Variants in XPO6 observed in about 807,000 individuals in gnomAD.
The protein encoded by XPO6 is exportin 6.
In XPO6, 3 loss-of-function variants were observed where a neutral mutation model predicts 130.0. The ratio of observed to expected loss-of-function variants is 0.02; its 90% confidence interval spans 0.01 to 0.06. The LOEUF is 0.06. Among genes scored for constraint, XPO6 ranks in the 10% least tolerant of loss-of-function variants. XPO6 has a pLI of 1.00. For missense variants in XPO6, 970 were observed against 1,393.0 expected (o/e 0.70, Z 4.83); for synonymous variants, 524 against 548.9 (o/e 0.95, Z 0.63).
chr16:28,106,523 C>T lies in XPO6; in HGVS notation c.2498-26G>A. 6.3e-7 allele frequency: 1 copy of T among 1,587,978 alleles called. No homozygotes were observed. Among genetic ancestry groups the T allele is most frequent in the Non-Finnish European group, 8.6e-7 (1 of 1,157,324 alleles). On this transcript the variant is annotated intron_variant, in intron 18 of 23. Coordinates refer to ENST00000304658, the MANE Select transcript of XPO6 (RefSeq NM_015171.4). This position sits in a 1 kb window ranked among gnomAD's most constrained non-coding sequence, Gnocchi z 4.2. ...CTGAGGAAAGGGGCAGAGATATCGT[C>T]AGAGGCTTGCACACAGTGAGAACCA...
chr16:28,205,579 A>C (rs761322754), intron 1 of XPO6, among the ~76,000 whole-genome samples: 6 of 152,072 alleles, frequency 3.9e-5, no homozygotes, highest in Admixed American at 2.6e-4. Context: ...GTATTTTCAG[A>C]GTATGTTGAC....
intron 13 of XPO6, among the ~76,000 whole-genome samples, chr16:28,123,369 A>T (rs528576066): frequency 6.6e-6 from 1 of 152,220 alleles, no homozygotes; most frequent in Admixed American, 6.5e-5. Flanking sequence ...CAGCCTCCCA[A>T]AGTGCTGGGA....
At chr16:28,127,860 C>T (rs2042592219) in intron 12 of XPO6, among the ~76,000 whole-genome samples, 1 of 152,186 alleles carries the variant, frequency 6.6e-6, no homozygotes, top group Admixed American at 6.5e-5. Context: ...TTTGACCTGT[C>T]CCAAATCACC....
chr16:28,190,674 A>C (rs1255820187), intron 1 of XPO6, among the ~76,000 whole-genome samples: 3 of 152,242 alleles, frequency 2.0e-5, no homozygotes, highest in African/African-American at 7.2e-5. Flanking sequence ...TACAGGTGGT[A>C]GTAGGTTAGA....
Position 28,098,328 on chromosome 16 carries a change from G to C in XPO6, c.*210C>G. 1 of 515,432 alleles carries C rather than the reference G, an allele frequency of 1.9e-6. No individual in the cohort carries two copies. The highest frequency in any genetic ancestry group is 3.4e-5 in the Admixed American group (1 of 29,546). 31.9% of individuals were successfully genotyped at this position (515,432 alleles called of 1,614,324 possible). On this transcript the variant is annotated 3_prime_UTR_variant, in exon 24 of 24. Coordinates refer to ENST00000304658, the MANE Select transcript of XPO6 (RefSeq NM_015171.4). The stretch of plus-strand genomic sequence containing the variant: ...ACCCCTCCGCCTGCTCCAACGCCCT[G>C]GGAGCACCGTCCAGTGCTCAGGTGG...
In XPO6 at chr16:28,194,714, A is replaced by G. The variant is rs539342852; in HGVS notation, c.4-13683T>C. ...TTTTCGGGGGTAAAAAAAGATTGCT[A>G]AAAAGACTGGTCGTACATTCTCTCT... On this transcript the variant is annotated intron_variant, in intron 1 of 23. Transcript: ENST00000304658. 2.2e-3 allele frequency among the ~76,000 whole-genome samples: 334 copies of G among 152,148 alleles called. 1 individual carries two copies. The highest frequency in any genetic ancestry group is 1.9e-3 in the Non-Finnish European group (126 of 67,996).
chr16:28,178,191 C>T (rs1200989727), intron 2 of XPO6, among the ~76,000 whole-genome samples: 31 of 152,204 alleles, frequency 2.0e-4, no homozygotes, highest in Admixed American at 7.2e-4. Flanking sequence ...GCAGAACACA[C>T]AGCAGCTTCT....
intron 21 of XPO6, among the ~76,000 whole-genome samples, chr16:28,102,179 C>T (rs1374817568): frequency 6.6e-6 from 1 of 152,072 alleles, no homozygotes; most frequent in African/African-American, 2.4e-5. Flanking sequence ...CCTCTAGAAA[C>T]CCATCACAGG....
chr16:28,185,686 T>C (rs978977534), intron 1 of XPO6, among the ~76,000 whole-genome samples: 3 of 152,186 alleles, frequency 2.0e-5, no homozygotes, highest in Non-Finnish European at 2.9e-5. Flanking sequence ...AGTGTGAGCA[T>C]GAGGCTCCTG....
intron 1 of XPO6, among the ~76,000 whole-genome samples, chr16:28,183,760 A>G (rs1480325311): frequency 1.3e-5 from 2 of 152,230 alleles, no homozygotes; most frequent in Non-Finnish European, 2.9e-5. Flanking sequence ...GGTCAGGCCT[A>G]CTTTGAAACT....
intron 9 of XPO6, among the ~76,000 whole-genome samples, chr16:28,142,289 G>A (rs2042908989): frequency 6.6e-6 from 1 of 152,214 alleles, no homozygotes; most frequent in Non-Finnish European, 1.5e-5. Context: ...GTCATCACCA[G>A]AAGCCAGTGT....
chr16:28,115,320 C>T (rs2087028077), intron 15 of XPO6, among the ~76,000 whole-genome samples: 1 of 152,220 alleles, frequency 6.6e-6, no homozygotes, highest in African/African-American at 2.4e-5. Context: ...GCCAAAATTA[C>T]CCCTTGACCC....
chr16:28,133,871 C>T lies in XPO6; in HGVS notation c.1506G>A (p.Glu502=), dbSNP rs1336601879. ...QSLEVVAKVM[E]LLPTHAFSTL... ...TGGAGAAGGCGTGCGTGGGCAGGAG[C>T]TCCATCACTTTGGCCACCACCTCCA... is the stretch of plus-strand genomic sequence containing the variant. The change falls in exon 11 of 24, where the codon GAG becomes GAA. Residue 502 remains glutamate (E), a synonymous_variant. Transcript: ENST00000304658. 1 of 1,613,990 alleles carries T rather than the reference C, an allele frequency of 6.2e-7. No individual in the cohort carries two copies. Among genetic ancestry groups the T allele is most frequent in the African/African-American group, 1.3e-5 (1 of 74,914 alleles).
chr16:28,157,690 T>C (rs1389546574), intron 6 of XPO6, among the ~76,000 whole-genome samples: 2 of 152,190 alleles, frequency 1.3e-5, no homozygotes, highest in Admixed American at 6.5e-5. Flanking sequence ...CTCCAAAGCA[T>C]ATGAAGAGAT....
At chr16:28,135,173 C>T in intron 10 of XPO6, 43 bp downstream of exon 10, 1 of 1,539,234 alleles carries the variant, frequency 6.5e-7, no homozygotes, top group Non-Finnish European at 9.0e-7. Flanking sequence ...ATTGATGTCA[C>T]AACATGACAG....
chr16:28,211,477 A>T lies in XPO6; in HGVS notation c.-109T>A. The T allele has an allele frequency of 1.2e-5, 15 of 1,228,772 alleles. No homozygotes were observed. The highest frequency in any genetic ancestry group is 1.6e-5 in the Non-Finnish European group (15 of 958,938). The allele number at this position is 1,228,772 out of a possible 1,614,324, so 76.1% of individuals were successfully genotyped here. On this transcript the variant is annotated 5_prime_UTR_variant, in exon 1 of 24. It removes an upstream start codon present in the reference 5' UTR. Transcript: ENST00000304658. ...GGCAGACTCGGGAAGTCCCCCACCC[A>T]TGCAAAGACAACCCCTTCCCCACCG...
chr16:28,123,872 T>A (rs1037669499), intron 13 of XPO6, among the ~76,000 whole-genome samples: 1 of 152,158 alleles, frequency 6.6e-6, no homozygotes, highest in Non-Finnish European at 1.5e-5. Context: ...GCTATTAAGG[T>A]CATGTAGTCA....
In XPO6 at chr16:28,186,374, C is replaced by CTTTTTTTTTTTTTTGTTTTTTTTTTT. The variant is rs2043694338; in HGVS notation, c.4-5344_4-5343insAAAAAAAAAAACAAAAAAAAAAAAAA. Among the ~76,000 whole-genome samples, 2 of 81,442 alleles carry CTTTTTTTTTTTTTTGTTTTTTTTTTT rather than the reference C, an allele frequency of 2.5e-5. 1 individual carries two copies. The highest frequency in any genetic ancestry group is 4.1e-5 in the Non-Finnish European group (2 of 48,692). 53.4% of individuals were successfully genotyped at this position (81,442 alleles called of 152,430 possible). A position where few individuals can be genotyped will look rare whatever the true frequency, so the allele number is the denominator to read the frequency against. On this transcript the variant is annotated intron_variant, in intron 1 of 23. Transcript: ENST00000304658. ...TATAGATTTTTCTGCCCCAGTTATT[C>CTTTTTTTTTTTTTTGTTTTTTTTTTT]TTTTTTTTTTTTTTTTTGCTAAAGA...
At chr16:28,110,381 C>T (rs2141245539) in intron 17 of XPO6, among the ~76,000 whole-genome samples, 1 of 152,362 alleles carries the variant, frequency 6.6e-6, no homozygotes, top group Admixed American at 6.5e-5. Flanking sequence ...TTAAGAACCA[C>T]TACGCAATTC....
Sources: allele counts gnomAD v4.1 joint callset (sites outside exome capture counted in the v4.1 genomes callset), GRCh38; gene constraint gnomAD v4.1.1; non-coding constraint Gnocchi (gnomAD v3.1); transcripts MANE v1.5; gene names NCBI Gene and HGNC (gene_info 2026-07-23, HGNC 2026-07-21).